Variants in GXYLT1 observed in about 807,000 individuals in gnomAD.
The protein encoded by GXYLT1 is glucoside xylosyltransferase 1.
In GXYLT1, 29 loss-of-function variants were observed where a neutral mutation model predicts 54.0. That is an observed-to-expected ratio of 0.54 (90% CI 0.40 to 0.73). GXYLT1 has a LOEUF of 0.73. Ranked by LOEUF, GXYLT1 falls within the 30% of genes least tolerant of loss-of-function variation. GXYLT1 has a pLI of 0.00. For missense variants in GXYLT1, 490 were observed against 553.4 expected, an observed-to-expected ratio of 0.89 and a Z score of 1.15; for synonymous variants, 176 against 204.1, an observed-to-expected ratio of 0.86 and a Z score of 1.17.
intron 5 of GXYLT1, among the ~76,000 whole-genome samples, chr12:42,099,147 C>G (rs1037736614): frequency 3.3e-5 from 5 of 152,138 alleles, no homozygotes; most frequent in Non-Finnish European, 4.4e-5. Context: ...CTGACAGATT[C>G]ACCCAACCCA....
chr12:42,087,486 TGA>T lies in GXYLT1; in HGVS notation c.*298_*299del, dbSNP rs1313259497. ...TCCATCTACACACCCCTACCACTCT[TGA>T]GAGTATGAGTCAACAGAAGTCTGCA... On this transcript the variant is annotated 3_prime_UTR_variant, in exon 8 of 8. Transcript: ENST00000398675. 1.6e-5 allele frequency: 4 copies of T among 256,200 alleles called. No individual in the cohort carries two copies. In the Admixed American group the frequency reaches 2.3e-4, roughly 15 times the overall value. The allele number at this position is 256,200 out of a possible 1,614,324, so 15.9% of individuals were successfully genotyped here. A position where few individuals can be genotyped will look rare whatever the true frequency, so the allele number is the denominator to read the frequency against.
At chr12:42,126,412 G>A (rs1179608071) in intron 2 of GXYLT1, among the ~76,000 whole-genome samples, 2 of 152,076 alleles carry the variant, frequency 1.3e-5, no homozygotes, top group African/African-American at 4.8e-5. Flanking sequence ...GCTGATGAAG[G>A]GAAAGAGAGG....
At chr12:42,100,541 G>A (rs2065384065) in intron 5 of GXYLT1, among the ~76,000 whole-genome samples, 1 of 151,178 alleles carries the variant, frequency 6.6e-6, no homozygotes, top group Non-Finnish European at 1.5e-5. Context: ...AAAAAGAGAA[G>A]GCCAGAATTC....
In GXYLT1 at chr12:42,085,158, A is replaced by G. The variant is rs1377181486; in HGVS notation, c.*2628T>C. 1 of 152,236 alleles carries G rather than the reference A, an allele frequency of 6.6e-6. No homozygotes were observed. The highest frequency in any genetic ancestry group is 2.4e-5 in the African/African-American group (1 of 41,458). 9.4% of individuals were successfully genotyped at this position (152,236 alleles called of 1,614,324 possible). A position where few individuals can be genotyped will look rare whatever the true frequency, so the allele number is the denominator to read the frequency against. ...AAAATTCATTTAAAAATTATTATAC[A>G]TATTTTGTGATACCTTTAATTTTAG... On this transcript the variant is annotated 3_prime_UTR_variant, in exon 8 of 8. Transcript: ENST00000398675.
intron 7 of GXYLT1, among the ~76,000 whole-genome samples, chr12:42,094,530 G>A (rs1022247534): frequency 6.6e-6 from 1 of 151,076 alleles, no homozygotes. Context: ...GTGGTGGCAC[G>A]TGCCTGTAGT....
chr12:42,139,416 G>T (rs558661590), intron 1 of GXYLT1, among the ~76,000 whole-genome samples: 83 of 152,154 alleles, frequency 5.5e-4, no homozygotes, highest in African/African-American at 1.9e-3. Context: ...TAGGAGGTAG[G>T]GCCTTTTGGT....
intron 1 of GXYLT1, among the ~76,000 whole-genome samples, chr12:42,140,592 C>A (rs2065646986): frequency 6.6e-6 from 1 of 152,082 alleles, no homozygotes; most frequent in African/African-American, 2.4e-5. Flanking sequence ...AAGCTGAAGT[C>A]TGTCACTCCA....
intron 2 of GXYLT1, among the ~76,000 whole-genome samples, chr12:42,127,500 T>C (rs2065569998): frequency 6.6e-6 from 1 of 152,212 alleles, no homozygotes; most frequent in Non-Finnish European, 1.5e-5. Context: ...ATATGATTTA[T>C]TCCACGGAAT....
Position 42,085,379 on chromosome 12 carries a change from T to A in GXYLT1, c.*2407A>T, listed in dbSNP as rs2065283952. On this transcript the variant is annotated 3_prime_UTR_variant, in exon 8 of 8. Transcript: ENST00000398675. ...CAGTTGGATTAAACTGTGACCACGC[T>A]CTACACAAGTCCCAATCAATTAGAG... The A allele has an allele frequency of 6.6e-6, 1 of 152,282 alleles. No individual in the cohort carries two copies. Among genetic ancestry groups the A allele is most frequent in the Non-Finnish European group, 1.5e-5 (1 of 68,052 alleles). 9.4% of individuals were successfully genotyped at this position (152,282 alleles called of 1,614,324 possible). A position where few individuals can be genotyped will look rare whatever the true frequency, so the allele number is the denominator to read the frequency against.
chr12:42,130,689 A>T (rs1198577578), intron 1 of GXYLT1, among the ~76,000 whole-genome samples: 1 of 152,172 alleles, frequency 6.6e-6, no homozygotes, highest in Non-Finnish European at 1.5e-5. Context: ...AGTGGCTCAC[A>T]TCTATAATCC....
intron 7 of GXYLT1, among the ~76,000 whole-genome samples, chr12:42,090,350 G>C (rs1406769150): frequency 6.6e-6 from 1 of 152,128 alleles, no homozygotes; most frequent in African/African-American, 2.4e-5. Context: ...CCCTTTCCCA[G>C]AGGCCACACG....
chr12:42,106,743 C>CTTT lies in GXYLT1; in HGVS notation c.613-677_613-675dup, dbSNP rs1231770611. 5.6e-3 allele frequency among the ~76,000 whole-genome samples: 716 copies of CTTT among 127,596 alleles called. 16 individuals are homozygous for CTTT. Among genetic ancestry groups the CTTT allele is most frequent in the African/African-American group, 0.019 (641 of 33,740 alleles). 83.7% of individuals were successfully genotyped at this position (127,596 alleles called of 152,430 possible). ...TTTAAGGATAATTATTATTATTTTT[C>CTTT]TTTTTTTTTTTTTTTTTTTTGAGAC... On this transcript the variant is annotated intron_variant, in intron 4 of 7. Transcript: ENST00000398675.
intron 7 of GXYLT1, among the ~76,000 whole-genome samples, chr12:42,094,492 C>A (rs1033343549): frequency 4.6e-5 from 7 of 151,836 alleles, no homozygotes; most frequent in African/African-American, 1.7e-4. Context: ...ATCCCCATCT[C>A]CATAAAAAAT....
intron 7 of GXYLT1, 48 bp downstream of exon 7, chr12:42,097,394 A>G (rs765534902): frequency 1.4e-6 from 2 of 1,424,766 alleles, no homozygotes; most frequent in African/African-American, 1.5e-5. Context: ...CATTAGCTTG[A>G]AAGTATTTTC....
At chr12:42,123,923 C>T (rs2065545793) in intron 2 of GXYLT1, among the ~76,000 whole-genome samples, 2 of 150,854 alleles carry the variant, frequency 1.3e-5, no homozygotes, top group Non-Finnish European at 3.0e-5. Flanking sequence ...AAGAGTTGTT[C>T]CCAGCAACAC....
At chr12:42,090,648 C>T (rs973405911) in intron 7 of GXYLT1, among the ~76,000 whole-genome samples, 2 of 152,156 alleles carry the variant, frequency 1.3e-5, no homozygotes, top group African/African-American at 4.8e-5. Context: ...AAGAATAGTA[C>T]ATCTTTGGAA....
At chr12:42,123,253 A>G (rs2065542030) in intron 2 of GXYLT1, among the ~76,000 whole-genome samples, 1 of 152,206 alleles carries the variant, frequency 6.6e-6, no homozygotes, top group African/African-American at 2.4e-5. Context: ...AAAGTGTTAA[A>G]TAACTTAAAG....
intron 1 of GXYLT1, among the ~76,000 whole-genome samples, chr12:42,143,749 G>A (rs1241473190): frequency 6.6e-6 from 1 of 152,088 alleles, no homozygotes; most frequent in Non-Finnish European, 1.5e-5. Context: ...AAGTCATTAC[G>A]TCGCTTTTTA....
At chr12:42,107,737 T>G (rs986020283) in intron 4 of GXYLT1, among the ~76,000 whole-genome samples, 27 of 152,264 alleles carry the variant, frequency 1.8e-4, no homozygotes, top group Non-Finnish European at 3.4e-4. Context: ...TCTGTATGTC[T>G]ATCTCACTTT....
Sources: gnomAD v4.1 joint callset for allele counts (sites outside exome capture counted in the v4.1 genomes callset) on GRCh38, gnomAD v4.1.1 for gene constraint, MANE v1.5 for transcripts, NCBI Gene and HGNC (gene_info 2026-07-23, HGNC 2026-07-21) for gene names.